The following PTPRN2 variants were observed in gnomAD, a reference collection of about 807,000 sequenced individuals.
PTPRN2 encodes protein tyrosine phosphatase receptor type N2, also known as receptor-type tyrosine-protein phosphatase N2.
Under a neutral mutation model 118.8 loss-of-function variants are expected in PTPRN2, and 74 were observed. That is an observed-to-expected ratio of 0.62 (90% CI 0.52 to 0.76). The LOEUF (loss-of-function observed/expected upper bound fraction) is 0.76. PTPRN2 is among the 30% of genes least tolerant of loss of function. PTPRN2 has a pLI of 0.00. For missense variants in PTPRN2, 1,481 were observed against 1,394.4 expected (o/e 1.06, Z -0.99); for synonymous variants, 641 against 608.0 (o/e 1.05, Z -0.80).
At chr7:158,566,283 G>A (rs1350364895) in intron 1 of PTPRN2, among the ~76,000 whole-genome samples, 2 of 152,044 alleles carry the variant, frequency 1.3e-5, no homozygotes, top group Non-Finnish European at 1.5e-5. Flanking sequence ...GAACCCAGGA[G>A]GAGGAAATTG....
chr7:158,543,031 G>C (rs755281858), intron 1 of PTPRN2, among the ~76,000 whole-genome samples: 1 of 152,220 alleles, frequency 6.6e-6, no homozygotes, highest in Non-Finnish European at 1.5e-5. Flanking sequence ...ATAAGGAAAG[G>C]TTAGAAACTC....
intron 15 of PTPRN2, among the ~76,000 whole-genome samples, chr7:157,620,789 A>G (rs984489176): frequency 3.3e-5 from 5 of 152,172 alleles, no homozygotes; most frequent in African/African-American, 1.2e-4. Context: ...AGAGGGGGCA[A>G]GTCTGCTGCA....
At chr7:158,355,849 G>A (rs1014567541) in intron 2 of PTPRN2, among the ~76,000 whole-genome samples, 20 of 152,148 alleles carry the variant, frequency 1.3e-4, no homozygotes, top group South Asian at 1.0e-3. Flanking sequence ...AGGCAGATGC[G>A]AATCCTCCAC....
chr7:157,920,105 A>G (rs1043433506), intron 11 of PTPRN2, among the ~76,000 whole-genome samples: 2 of 152,226 alleles, frequency 1.3e-5, no homozygotes, highest in South Asian at 2.1e-4. Context: ...CGAAATTGCC[A>G]GATGAAACAT....
chr7:158,186,260 T>C (rs977919296), intron 5 of PTPRN2, among the ~76,000 whole-genome samples: 1 of 152,190 alleles, frequency 6.6e-6, no homozygotes, highest in African/African-American at 2.4e-5. Context: ...ATCCATCCCT[T>C]TCTGGAATGC....
chr7:158,194,273 A>G (rs1166617631), intron 4 of PTPRN2, among the ~76,000 whole-genome samples: 3 of 152,202 alleles, frequency 2.0e-5, no homozygotes, highest in African/African-American at 7.2e-5. Context: ...TTAGACACAG[A>G]CCAAAGAGCT....
intron 11 of PTPRN2, among the ~76,000 whole-genome samples, chr7:157,939,666 C>A (rs1799925727): frequency 6.6e-6 from 1 of 152,272 alleles, no homozygotes; most frequent in African/African-American, 2.4e-5. Context: ...CAGCACCAGA[C>A]AGACAGAGTT....
At chr7:157,595,659 GTTAGGGAGCCCA>G (rs1801291479) in intron 16 of PTPRN2, among the ~76,000 whole-genome samples, 2 of 146,160 alleles carry the variant, frequency 1.4e-5, no homozygotes, top group East Asian at 2.3e-4. Flanking sequence ...AAGCCCGGAA[GTTAGGGAGCCCA>G]GAGGTTAGGG....
chr7:157,746,973 G>A, intron 12 of PTPRN2, among the ~76,000 whole-genome samples: 1 of 151,200 alleles, frequency 6.6e-6, no homozygotes, highest in Non-Finnish European at 1.5e-5. Context: ...TCTCTCAGCT[G>A]TGGGCTGTTG....
intron 7 of PTPRN2, 118 bp downstream of exon 7, chr7:158,138,176 C>T: frequency 1.2e-6 from 1 of 851,204 alleles, no homozygotes; most frequent in South Asian, 1.7e-5. Flanking sequence ...ATACAGATCC[C>T]CATCTCCCCA....
At chr7:157,956,577 G>A (rs12531557) in intron 11 of PTPRN2, among the ~76,000 whole-genome samples, 1 of 152,264 alleles carries the variant, frequency 6.6e-6, no homozygotes, top group Non-Finnish European at 1.5e-5. Context: ...GTGGGCATCA[G>A]CCTGCACACA....
At chr7:158,346,814 T>A (rs74839761) in intron 2 of PTPRN2, among the ~76,000 whole-genome samples, 84 of 152,368 alleles carry the variant, frequency 5.5e-4, no homozygotes, top group African/African-American at 1.9e-3. Flanking sequence ...TGATATGATA[T>A]CCCATTGTGG....
In PTPRN2 at chr7:157,994,881, G is replaced by A. The variant is rs563628744; in HGVS notation, c.1723+86417C>T. ...ACAGCTCCTTGTTCCTAAAATCAAC[G>A]CCGTGTCCCCAGCTTACAACTCCTT... On this transcript the variant is annotated intron_variant, in intron 11 of 22. Coordinates refer to ENST00000389418, the MANE Select transcript of PTPRN2 (RefSeq NM_002847.5). 7.1e-3 allele frequency among the ~76,000 whole-genome samples: 59 copies of A among 8,286 alleles called. 1 individual carries two copies. The highest frequency in any genetic ancestry group is 0.044 in the African/African-American group (52 of 1,190). 5.4% of individuals were successfully genotyped at this position (8,286 alleles called of 152,430 possible).
chr7:158,495,934 C>A (rs1312426893), intron 1 of PTPRN2, among the ~76,000 whole-genome samples: 1 of 152,008 alleles, frequency 6.6e-6, no homozygotes, highest in Non-Finnish European at 1.5e-5. Context: ...GAGGAAGGCT[C>A]CTCCCAGATC....
At chr7:158,091,740 G>A (rs989017325) in intron 10 of PTPRN2, among the ~76,000 whole-genome samples, 9 of 148,834 alleles carry the variant, frequency 6.0e-5, no homozygotes, top group African/African-American at 2.2e-4. Flanking sequence ...GGGTGGGTGG[G>A]TGAAAGATAG....
chr7:158,133,961 C>T lies in PTPRN2; in HGVS notation c.1272G>A (p.Glu424=), dbSNP rs770395462. The change falls in exon 9 of 23, where the codon GAG becomes GAA. Residue 424 remains glutamate, a synonymous_variant. Transcript: ENST00000389418. ...ALPFARPLDM[E]RKKSEHPESS... ...ACTCAGGGTGCTCGGACTTCTTCCTCTCCATGTCGAGGGGCCTTGCAAAGG... is the reference window on the plus strand; with the variant it reads ...ACTCAGGGTGCTCGGACTTCTTCCTTTCCATGTCGAGGGGCCTTGCAAAGG... The T allele has an allele frequency of 4.3e-6, 7 of 1,614,038 alleles. No homozygotes were observed. The Admixed American group carries it at 5.0e-5, about 12-fold the overall frequency.
rs184609209 is a variant in PTPRN2, at chr7:157,879,346, C to T, written c.1788+19327G>A. Among the ~76,000 whole-genome samples, 253 of 152,316 alleles carry T rather than the reference C, an allele frequency of 1.7e-3. No individual in the cohort carries two copies. The Middle Eastern group carries it at 0.017, about 10-fold the overall frequency. On this transcript the variant is annotated intron_variant, in intron 12 of 22. Transcript: ENST00000389418. ...AACAGCAGGAACACACCCCCCAACA[C>T]GCACACCCAAACACACACGCATGCA...
intron 10 of PTPRN2, among the ~76,000 whole-genome samples, chr7:158,102,472 T>A (rs1449587388): frequency 6.6e-6 from 1 of 152,192 alleles, no homozygotes; most frequent in East Asian, 1.9e-4. Flanking sequence ...CCCAGGCTGC[T>A]TCTTTTCCAT....
intron 6 of PTPRN2, among the ~76,000 whole-genome samples, chr7:158,157,308 G>A (rs556085305): frequency 1.3e-5 from 2 of 152,214 alleles, no homozygotes; most frequent in Non-Finnish European, 2.9e-5. Context: ...GTCAGACAGA[G>A]GCAAATTTCA....
Sources: gnomAD v4.1 joint callset for allele counts (sites outside exome capture counted in the v4.1 genomes callset) on GRCh38, gnomAD v4.1.1 for gene constraint, MANE v1.5 for transcripts, NCBI Gene and HGNC (gene_info 2026-07-23, HGNC 2026-07-21) for gene names.